Variants in RNPEPL1 observed in about 807,000 individuals in gnomAD.
The protein encoded by RNPEPL1 is arginyl aminopeptidase like 1, also known as aminopeptidase RNPEPL1.
In RNPEPL1, 46 loss-of-function variants were observed where a neutral mutation model predicts 69.0. That is an observed-to-expected ratio of 0.67 (90% CI 0.53 to 0.85). The LOEUF is 0.85. RNPEPL1 is among the 40% of genes least tolerant of loss of function. The probability of loss-of-function intolerance (pLI) is 0.00; values close to 1 mark genes in which losing one functional copy is unlikely to be tolerated. For missense variants in RNPEPL1, 869 were observed against 992.5 expected (o/e 0.88, Z 1.67); for synonymous variants, 525 against 454.1 (o/e 1.16, Z -1.98).
In RNPEPL1 at chr2:240,576,674, C is replaced by G. The variant is rs2093038485; in HGVS notation, c.1650C>G (p.Ala550=). 6.2e-7 allele frequency: 1 copy of G among 1,612,916 alleles called. No individual in the cohort carries two copies. Among genetic ancestry groups the G allele is most frequent in the Non-Finnish European group, 8.5e-7 (1 of 1,179,988 alleles). Residue 550 remains alanine, a synonymous_variant, in exon 9 of 11, where the codon GCC becomes GCG. Transcript: ENST00000270357. The stretch of plus-strand genomic sequence containing the variant: ...CAGAACCTCTGGACCAGGCAGCTGC[C>G]TCGGCCAGCGCCATTGACATCTCCA... ...WTAEPLDQAA[A]SASAIDISKW...
chr2:240,574,391 C>T, intron 5 of RNPEPL1, 43 bp downstream of exon 5: 1 of 1,576,186 alleles, frequency 6.3e-7, no homozygotes, highest in African/African-American at 1.3e-5. Context: ...GGGCCCTGGG[C>T]ACTGGTCCAG....
In RNPEPL1 at chr2:240,573,778, C is replaced by G. The variant is rs2093029488; in HGVS notation, c.825C>G (p.Ser275Arg). 6.5e-6 allele frequency: 10 copies of G among 1,536,632 alleles called. No homozygotes were observed. Among genetic ancestry groups the G allele is most frequent in the Non-Finnish European group, 8.8e-6 (10 of 1,139,462 alleles). ...TCACCCTCTCTGCATGCACCAGGAGCCGCGTGTGGGCCGAGCCATGCCTCC... is the reference window on the plus strand; with the variant it reads ...TCACCCTCTCTGCATGCACCAGGAGGCGCGTGTGGGCCGAGCCATGCCTCC... ...DLKPADIGPR[S>R]RVWAEPCLLP... The change falls in exon 4 of 11, where the codon AGC becomes AGG. Residue 275 changes from serine to arginine, a missense_variant. By Grantham distance (110) the Ser-to-Arg change is moderately radical. Around this residue, in one of 2 missense-constraint regions of RNPEPL1, gnomAD observed 610 missense variants for 790.9 expected, o/e 0.77. Transcript: ENST00000270357.
rs1263084710 is a variant in RNPEPL1 at position 240,577,584 on chromosome 2, G to A, written c.1885-15G>A. The A allele has an allele frequency of 1.3e-6, 2 of 1,544,326 alleles. No individual in the cohort carries two copies. The highest frequency in any genetic ancestry group is 2.4e-5 in the South Asian group (2 of 82,316). The stretch of plus-strand genomic sequence containing the variant: ...CTGGGGAGCCCACCAGTGTGACCGA[G>A]TGCCCCTCCTGCAGATGTCACGCAT... On this transcript the variant is annotated splice_polypyrimidine_tract_variant and intron_variant, in intron 10 of 10. Transcript: ENST00000270357.
chr2:240,572,960 C>T (rs1439712117), intron 2 of RNPEPL1, 150 bp from the exon 3 acceptor site: 1 of 973,484 alleles, frequency 1.0e-6, no homozygotes, highest in East Asian at 2.7e-5. Flanking sequence ...GGTGGCAGTT[C>T]TTCGGAGAGA....
intron 7 of RNPEPL1, 112 bp downstream of exon 7, chr2:240,575,254 T>A: frequency 1.1e-6 from 1 of 887,222 alleles, no homozygotes; most frequent in Non-Finnish European, 1.8e-6. Flanking sequence ...CAGGGGCCTG[T>A]GAGCCTGGCT....
Position 240,576,571 on chromosome 2 carries a change from C to G in RNPEPL1, c.1547C>G (p.Pro516Arg). 2 of 1,612,838 alleles carry G rather than the reference C, an allele frequency of 1.2e-6. No individual in the cohort carries two copies. The highest frequency in any genetic ancestry group is 1.1e-5 in the South Asian group (1 of 91,062). The change falls in exon 9 of 11, where the codon CCG (proline) becomes CGG (arginine). Residue 516 changes from proline to arginine, a missense_variant. Transcript: ENST00000270357. Reference protein sequence around the residue: ...EFERWLNATGPPLAEPDLSQG... With the variant: ...EFERWLNATGRPLAEPDLSQG... ...GAGCGCTGGCTCAATGCCACAGGCC[C>G]GCCGCTGGCTGAGCCGGACCTGTCT...
At position 240,578,501 on chromosome 2, in the gene RNPEPL1, T is replaced by G. The variant is rs1291122994; in HGVS notation, c.*609T>G. ...AACCTTAGCCCCTCAGAACAGGGAG[T>G]CCCAGGACCCAGGGAGAGTGTGGGG... On this transcript the variant is annotated 3_prime_UTR_variant, in exon 11 of 11. Coordinates refer to ENST00000270357, the MANE Select transcript of RNPEPL1 (RefSeq NM_018226.6). The G allele has an allele frequency of 6.6e-6, 1 of 151,882 alleles. No homozygotes were observed. Among genetic ancestry groups the G allele is most frequent in the African/African-American group, 2.4e-5 (1 of 41,206 alleles). 9.4% of individuals were successfully genotyped at this position (151,882 alleles called of 1,614,324 possible).
chr2:240,576,784 T>TGGGGGCGGCCCAGGGGCTGGGGTGC lies in RNPEPL1; in HGVS notation c.1741+20_1742-39dup, dbSNP rs774944551. On this transcript the variant is annotated intron_variant, in intron 9 of 10. Transcript: ENST00000270357. ...CCGCAGGGTGAGTCCCTGCAGCTGA[T>TGGGGGCGGCCCAGGGGCTGGGGTGC]GGGGGCGGCCCAGGGGCTGGGGTGC... The TGGGGGCGGCCCAGGGGCTGGGGTGC allele has an allele frequency of 3.1e-6, 5 of 1,612,458 alleles. No homozygotes were observed. In the East Asian group the frequency reaches 1.1e-4, roughly 36 times the overall value.
Position 240,568,676 on chromosome 2 carries a change from G to A in RNPEPL1, c.90G>A (p.Val30=), listed in dbSNP as rs1317246207. The A allele has an allele frequency of 6.7e-6, 7 of 1,040,384 alleles. No homozygotes were observed. The highest frequency in any genetic ancestry group is 1.8e-5 in the African/African-American group (1 of 55,826). 64.4% of individuals were successfully genotyped at this position (1,040,384 alleles called of 1,614,324 possible). A position where few individuals can be genotyped will look rare whatever the true frequency, so the allele number is the denominator to read the frequency against. Reference sequence around the variant, plus strand: ...CCGAGCCGCCGCCCGCCCTGGACGTGGCCTCGGCCTCCAGCGCGCAGCTCT... The same window carrying A: ...CCGAGCCGCCGCCCGCCCTGGACGTAGCCTCGGCCTCCAGCGCGCAGCTCT... ...PPPEPPPALD[V]ASASSAQLFR... is the part of the protein sequence containing the mutation. The change falls in exon 1 of 11, where the codon GTG becomes GTA. Residue 30 remains valine, a synonymous_variant. Transcript: ENST00000270357. This position sits in a 1 kb window ranked among gnomAD's most constrained non-coding sequence, Gnocchi z 6.2.
intron 8 of RNPEPL1, 153 bp downstream of exon 8, chr2:240,575,763 G>T: frequency 1.5e-6 from 1 of 655,544 alleles, no homozygotes; most frequent in Non-Finnish European, 2.7e-6. Context: ...GTGGGCCCCA[G>T]GCTGGTATGC....
rs1221208530 is a variant in RNPEPL1, at chr2:240,573,843, A to T, written c.890A>T (p.Gln297Leu). 2 of 1,558,610 alleles carry T rather than the reference A, an allele frequency of 1.3e-6. No individual in the cohort carries two copies. The highest frequency in any genetic ancestry group is 2.4e-5 in the South Asian group (2 of 84,642). ...ATSKLSGAVE[Q>L]WLSAAERLYG... Reference sequence around the variant, plus strand: ...AGCAAGCTGTCGGGCGCAGTGGAGCAGTGGCTGAGTGCAGCTGAGCGGCTG... The same window carrying T: ...AGCAAGCTGTCGGGCGCAGTGGAGCTGTGGCTGAGTGCAGCTGAGCGGCTG... Residue 297 changes from glutamine to leucine, a missense_variant, in exon 4 of 11, where the codon CAG becomes CTG. By Grantham distance (113) the Gln-to-Leu change is moderately radical. Coordinates refer to ENST00000270357, the MANE Select transcript of RNPEPL1 (RefSeq NM_018226.6).
chr2:240,575,443 G>T (rs1463024469), intron 7 of RNPEPL1, 59 bp from the exon 8 acceptor site: 1 of 1,448,850 alleles, frequency 6.9e-7, no homozygotes, highest in Non-Finnish European at 9.7e-7. Context: ...CAGGCCTCTG[G>T]TGGGGCTGCC....
intron 4 of RNPEPL1, 108 bp downstream of exon 4, chr2:240,573,999 G>A (rs569135027): frequency 6.6e-4 from 913 of 1,373,970 alleles, no homozygotes; most frequent in Non-Finnish European, 8.0e-4. Context: ...GGGAGGAAGC[G>A]GAGCTCACCG....
chr2:240,580,297 T>C lies in RNPEPL1; in HGVS notation c.*2405T>C, dbSNP rs1294055378. 1 of 152,180 alleles carries C rather than the reference T, an allele frequency of 6.6e-6. No individual in the cohort carries two copies. Among genetic ancestry groups the C allele is most frequent in the Non-Finnish European group, 1.5e-5 (1 of 68,056 alleles). The allele number at this position is 152,180 out of a possible 1,614,324, so 9.4% of individuals were successfully genotyped here. On this transcript the variant is annotated 3_prime_UTR_variant, in exon 11 of 11. Coordinates refer to ENST00000270357, the MANE Select transcript of RNPEPL1 (RefSeq NM_018226.6). ...ACGCACACTTAGCTCACGGTCTGCC[T>C]CATGAGTCATCCCAGTTGAGCTTTA...
intron 6 of RNPEPL1, 146 bp from the exon 7 acceptor site, chr2:240,574,884 G>T: frequency 1.4e-6 from 1 of 724,274 alleles, no homozygotes. Flanking sequence ...GCCGCTGCAC[G>T]CCCAGGGCAT....
chr2:240,569,107 C>G lies in RNPEPL1; in HGVS notation c.521C>G (p.Ala174Gly), dbSNP rs937535584. ...ATCCTGCGGTACACCTCGACCGACGCCCCCGCCGTGAGTCCGGGGCGGGCG... is the reference window on the plus strand; with the variant it reads ...ATCCTGCGGTACACCTCGACCGACGGCCCCGCCGTGAGTCCGGGGCGGGCG... Reference protein sequence around the residue: ...QVILRYTSTDAPAIWWLDPEL... With the variant: ...QVILRYTSTDGPAIWWLDPEL... Residue 174 changes from alanine (A) to glycine (G), a missense_variant, in exon 1 of 11, where the codon GCC (alanine) becomes GGC (glycine). Coordinates refer to ENST00000270357, the MANE Select transcript of RNPEPL1 (RefSeq NM_018226.6). 1.3e-6 allele frequency: 2 copies of G among 1,493,738 alleles called. No homozygotes were observed. The highest frequency in any genetic ancestry group is 2.9e-5 in the African/African-American group (2 of 68,354). 92.5% of individuals were successfully genotyped at this position (1,493,738 alleles called of 1,614,324 possible). A position where few individuals can be genotyped will look rare whatever the true frequency, so the allele number is the denominator to read the frequency against.
In RNPEPL1 at chr2:240,573,217, G is replaced by A. The variant is rs762565084; in HGVS notation, c.777G>A (p.Val259=). The A allele has an allele frequency of 1.1e-5, 18 of 1,577,082 alleles. No homozygotes were observed. Among genetic ancestry groups the A allele is most frequent in the African/African-American group, 2.7e-5 (2 of 74,380 alleles). The change falls in exon 3 of 11, where the codon GTG becomes GTA. Residue 259 remains valine, a synonymous_variant. Coordinates refer to ENST00000270357, the MANE Select transcript of RNPEPL1 (RefSeq NM_018226.6). ...HMEHPVPAYL[V]ALVAGDLKPA... ...AGCACCCCGTGCCCGCCTACCTCGT[G>A]GCCCTGGTGGCCGGAGACCTCAAGC...
Position 240,580,705 on chromosome 2 carries a change from CA to C in RNPEPL1, c.*2814del, listed in dbSNP as rs1200948485. ...CCCACCATATGCACAAAAGCGGGGG[CA>C]GATGGCAAACAGCACTAATGACAAC... is the stretch of plus-strand genomic sequence containing the variant. On this transcript the variant is annotated 3_prime_UTR_variant, in exon 11 of 11. Transcript: ENST00000270357. 6.6e-6 allele frequency: 1 copy of C among 152,170 alleles called. No homozygotes were observed. Among genetic ancestry groups the C allele is most frequent in the Non-Finnish European group, 1.5e-5 (1 of 68,036 alleles). The allele number at this position is 152,170 out of a possible 1,614,324, so 9.4% of individuals were successfully genotyped here. A position where few individuals can be genotyped will look rare whatever the true frequency, so the allele number is the denominator to read the frequency against.
In RNPEPL1 at chr2:240,568,808, G is replaced by A. The variant is rs1203997430; in HGVS notation, c.222G>A (p.Ala74=). The change falls in exon 1 of 11, where the codon GCG becomes GCA. Residue 74 remains alanine (A), a synonymous_variant. Coordinates refer to ENST00000270357, the MANE Select transcript of RNPEPL1 (RefSeq NM_018226.6). This position sits in a 1 kb window ranked among gnomAD's most constrained non-coding sequence, Gnocchi z 6.2. The part of the protein sequence containing the change: ...ELCALRPAPR[A]LVLDAHPALR... ...GCGCGCTGCGGCCCGCGCCCCGCGC[G>A]CTCGTGCTCGACGCGCACCCGGCTC... is the stretch of plus-strand genomic sequence containing the variant. 1.8e-6 allele frequency: 2 copies of A among 1,096,700 alleles called. No homozygotes were observed. The highest frequency in any genetic ancestry group is 2.2e-6 in the Non-Finnish European group (2 of 900,956). 67.9% of individuals were successfully genotyped at this position (1,096,700 alleles called of 1,614,324 possible). A position where few individuals can be genotyped will look rare whatever the true frequency, so the allele number is the denominator to read the frequency against.
Sources: gnomAD v4.1 joint callset for allele counts on GRCh38, gnomAD v4.1.1 for gene constraint, gnomAD v4.1.1 regional missense constraint, Gnocchi (gnomAD v3.1) non-coding constraint, MANE v1.5 for transcripts, NCBI Gene and HGNC (gene_info 2026-07-23, HGNC 2026-07-21) for gene names.